STN1: variants seen among roughly 807,000 people sequenced by gnomAD.
The protein encoded by STN1 is STN1 subunit of CST complex.
STN1 carries 29 observed loss-of-function variants against 45.5 expected under a neutral mutation model. That is an observed-to-expected ratio of 0.64 (90% CI 0.47 to 0.87). The LOEUF is 0.87. STN1 is among the 40% of genes least tolerant of loss of function. The pLI is 0.00. For synonymous variants in STN1, 148 were observed against 159.0 expected (o/e 0.93, Z 0.52); for missense variants, 376 against 441.4 (o/e 0.85, Z 1.33).
chr10:103,880,682 C>T lies in STN1; in HGVS notation c.*2002G>A, dbSNP rs185302227. 2.0e-5 allele frequency among the ~76,000 whole-genome samples: 3 copies of T among 152,298 alleles called. No homozygotes were observed. Among genetic ancestry groups the T allele is most frequent in the East Asian group, 3.9e-4 (2 of 5,188 alleles). On this transcript the variant is annotated 3_prime_UTR_variant, in exon 10 of 10. Coordinates refer to ENST00000224950, the MANE Select transcript of STN1 (RefSeq NM_024928.5). ...TCTGGGTTTAAACTGAGGTGTTAGA[C>T]AGCATGTAGATGGTATAATCCATGT... is the stretch of plus-strand genomic sequence containing the variant.
At chr10:103,899,975 TGAAAG>T in intron 5 of STN1, 82 bp downstream of exon 5, 1 of 1,323,504 alleles carries the variant, frequency 7.6e-7, no homozygotes, top group Admixed American at 2.0e-5. Context: ...CTGAACTTTT[TGAAAG>T]TTTGACTTCC....
chr10:103,915,762 C>A (rs910542880), intron 2 of STN1, among the ~76,000 whole-genome samples: 1 of 152,052 alleles, frequency 6.6e-6, no homozygotes, highest in African/African-American at 2.4e-5. Flanking sequence ...AAGCAGTGGT[C>A]CCCAACCTTT....
chr10:103,883,572 G>A (rs1250369788), intron 9 of STN1, among the ~76,000 whole-genome samples: 2 of 152,006 alleles, frequency 1.3e-5, no homozygotes, highest in Non-Finnish European at 1.5e-5. Flanking sequence ...ACCATGAAAC[G>A]GAAATCACGC....
At chr10:103,897,454 G>C in intron 7 of STN1, 94 bp downstream of exon 7, 3 of 1,129,738 alleles carry the variant, frequency 2.7e-6, no homozygotes, top group Non-Finnish European at 4.0e-6. Flanking sequence ...GGTCAACTCT[G>C]TGAATCTTCA....
At chr10:103,913,649 G>A (rs1185120894) in intron 2 of STN1, among the ~76,000 whole-genome samples, 1 of 152,144 alleles carries the variant, frequency 6.6e-6, no homozygotes, top group Non-Finnish European at 1.5e-5. Flanking sequence ...AAAGATGGCT[G>A]AAGACATGGA....
chr10:103,893,056 G>A (rs1402349408), intron 7 of STN1, among the ~76,000 whole-genome samples: 3 of 152,212 alleles, frequency 2.0e-5, no homozygotes. Context: ...GTATCTGTGA[G>A]ATGAATGGAA....
intron 6 of STN1, among the ~76,000 whole-genome samples, chr10:103,898,009 T>A (rs1245177507): frequency 2.6e-5 from 4 of 152,094 alleles, no homozygotes; most frequent in African/African-American, 9.7e-5. Flanking sequence ...ACAAAATCTA[T>A]GGGTGAATAT....
Position 103,897,710 on chromosome 10 carries a change from G to T in STN1, c.591C>A (p.Gly197=), listed in dbSNP as rs772601033. 1.2e-6 allele frequency: 2 copies of T among 1,613,992 alleles called. No homozygotes were observed. Among genetic ancestry groups the T allele is most frequent in the South Asian group, 2.2e-5 (2 of 91,076 alleles). The change falls in exon 7 of 10, where the codon GGC becomes GGA. Residue 197 remains glycine (G), a synonymous_variant. Coordinates refer to ENST00000224950, the MANE Select transcript of STN1 (RefSeq NM_024928.5). ...LEKEEALSNP[G]ALDLPSLTSL... The stretch of plus-strand genomic sequence containing the variant: ...TCGTGAGACTGGGGAGGTCCAGGGC[G>T]CCTGGATTGCTGCGGAGGGAAAGTT...
chr10:103,897,686 C>T lies in STN1; in HGVS notation c.615G>A (p.Thr205=), dbSNP rs749578002. The T allele has an allele frequency of 1.1e-5, 18 of 1,614,178 alleles. No homozygotes were observed. The highest frequency in any genetic ancestry group is 2.2e-5 in the East Asian group (1 of 44,888). ...NPGALDLPSL[T]SLLSEKAKEF... is the part of the protein sequence containing the mutation. The stretch of plus-strand genomic sequence containing the variant: ...CTTTGGCTTTTTCACTCAGCAAACT[C>T]GTGAGACTGGGGAGGTCCAGGGCGC... The change falls in exon 7 of 10, where the codon ACG becomes ACA. Residue 205 remains threonine, a synonymous_variant. Transcript: ENST00000224950.
At chr10:103,917,732 G>C (rs1419158930) in intron 1 of STN1, 76 bp from the exon 2 acceptor site, 1 of 940,796 alleles carries the variant, frequency 1.1e-6, no homozygotes, top group Non-Finnish European at 1.6e-6. Context: ...GCTGCTCCCA[G>C]GTGGGCGTCC....
intron 2 of STN1, among the ~76,000 whole-genome samples, chr10:103,915,859 T>C (rs1843327449): frequency 6.6e-6 from 1 of 152,216 alleles, no homozygotes; most frequent in South Asian, 2.1e-4. Context: ...CCTCAGATCA[T>C]GAGGCATTAG....
At chr10:103,909,394 A>ATATATATGTATATATATG (rs1564634924) in intron 3 of STN1, among the ~76,000 whole-genome samples, 4 of 70,402 alleles carry the variant, frequency 5.7e-5, no homozygotes, top group East Asian at 5.6e-4. Flanking sequence ...ATATATGTAT[A>ATATATATGTATATATATG]TATGTATATA....
chr10:103,886,926 A>T (rs1423569943), intron 9 of STN1, among the ~76,000 whole-genome samples: 1 of 152,246 alleles, frequency 6.6e-6, no homozygotes, highest in African/African-American at 2.4e-5. Context: ...CAATGCCGCC[A>T]CATTGCCCAT....
Position 103,898,902 on chromosome 10 carries a change from C to G in STN1, c.556G>C (p.Ala186Pro). The G allele has an allele frequency of 1.2e-6, 2 of 1,613,936 alleles. No homozygotes were observed. The highest frequency in any genetic ancestry group is 2.2e-5 in the South Asian group (2 of 91,070). Residue 186 changes from alanine (A) to proline (P), a missense_variant, in exon 6 of 10, where the codon GCC becomes CCC. Physicochemically the swap from Ala to Pro is conservative, Grantham distance 27 (BLOSUM62 -1). Coordinates refer to ENST00000224950, the MANE Select transcript of STN1 (RefSeq NM_024928.5). ...KVYDQPFHSS[A>P]LEKEEALSNP... is the part of the protein sequence containing the mutation. The stretch of plus-strand genomic sequence containing the variant: ...CTTAGTGCCTCTTCTTTCTCTAGGG[C>G]TGAGCTGTGAAAAGGCTGGTCATAA...
chr10:103,910,575 C>T lies in STN1; in HGVS notation c.181G>A (p.Gly61Arg). 6.2e-7 allele frequency: 1 copy of T among 1,611,300 alleles called. No homozygotes were observed. The highest frequency in any genetic ancestry group is 8.5e-7 in the Non-Finnish European group (1 of 1,177,804). The change falls in exon 3 of 10, where the codon GGA (glycine) becomes AGA (arginine). Residue 61 changes from glycine (G) to arginine (R), a missense_variant. Coordinates refer to ENST00000224950, the MANE Select transcript of STN1 (RefSeq NM_024928.5). Reference sequence around the variant, plus strand: ...CTTTCTCTCACTCCAATGACAGTTCCCAAGACATCTACCTGTTTTATTGGA... The same window carrying T: ...CTTTCTCTCACTCCAATGACAGTTCTCAAGACATCTACCTGTTTTATTGGA... ...GHPIKQVDVL[G>R]TVIGVRERDA...
chr10:103,903,736 C>G (rs1319819124), intron 4 of STN1, among the ~76,000 whole-genome samples: 1 of 152,164 alleles, frequency 6.6e-6, no homozygotes, highest in East Asian at 1.9e-4. Context: ...TATAAAATTA[C>G]CCAGTCTTAG....
intron 2 of STN1, among the ~76,000 whole-genome samples, chr10:103,912,179 G>A (rs1412570912): frequency 6.6e-6 from 1 of 151,988 alleles, no homozygotes; most frequent in Admixed American, 6.5e-5. Flanking sequence ...TGGAGACAAA[G>A]TGGTTCCAGT....
chr10:103,902,028 G>A (rs1285832640), intron 4 of STN1, among the ~76,000 whole-genome samples: 1 of 152,090 alleles, frequency 6.6e-6, no homozygotes. Flanking sequence ...TCTACTCTCT[G>A]TATTTCTTTA....
rs532082599 is a variant in STN1, at chr10:103,882,771, G to A, written c.1020C>T (p.Ser340=). The A allele has an allele frequency of 1.2e-3, 1,947 of 1,614,162 alleles. 38 individuals are homozygous for A. The South Asian group carries it at 0.02, about 17-fold the overall frequency. ...CARLSIRPGL[S]EAVLQQVLEL... The stretch of plus-strand genomic sequence containing the variant: ...CCAGAACTTGCTGCAGCACAGCCTC[G>A]CTCAGGCCCGGGCGGATGCTCAGGC... Residue 340 remains serine, a synonymous_variant, in exon 10 of 10, where the codon AGC becomes AGT. Coordinates refer to ENST00000224950, the MANE Select transcript of STN1 (RefSeq NM_024928.5).
Sources: gnomAD v4.1 joint callset for allele counts (sites outside exome capture counted in the v4.1 genomes callset) on GRCh38, gnomAD v4.1.1 for gene constraint, MANE v1.5 for transcripts, NCBI Gene and HGNC (gene_info 2026-07-23, HGNC 2026-07-21) for gene names.